The following OTOP1 variants were observed in gnomAD, a reference collection of about 807,000 sequenced individuals.
OTOP1 encodes the protein proton channel OTOP1.
Under a neutral mutation model 52.9 loss-of-function variants are expected in OTOP1, and 59 were observed. The observed-to-expected ratio is 1.12, with a 90% CI of 0.91 to 1.39. OTOP1 has a LOEUF of 1.39. Ranked by LOEUF, OTOP1 falls within the 40% of genes most tolerant of loss-of-function variation. The pLI is 0.00. For missense variants in OTOP1, 761 were observed against 800.9 expected (o/e 0.95, Z 0.60); for synonymous variants, 317 against 337.7 (o/e 0.94, Z 0.67).
chr4:4,204,605 T>A (rs978242254), intron 3 of OTOP1, among the ~76,000 whole-genome samples: 2 of 152,166 alleles, frequency 1.3e-5, no homozygotes, highest in Non-Finnish European at 2.9e-5. Context: ...AGACGTCATT[T>A]TCTCATGCCA....
intron 1 of OTOP1, among the ~76,000 whole-genome samples, chr4:4,214,733 G>A (rs1396282682): frequency 1.3e-5 from 2 of 152,222 alleles, no homozygotes; most frequent in East Asian, 1.9e-4. Flanking sequence ...TTCATTATAT[G>A]AGGTATCAAA....
intron 1 of OTOP1, among the ~76,000 whole-genome samples, chr4:4,217,261 G>T (rs1717174543): frequency 6.6e-6 from 1 of 152,148 alleles, no homozygotes; most frequent in Non-Finnish European, 1.5e-5. Context: ...ACAGACATAG[G>T]AGATTGCTGT....
At chr4:4,224,437 G>C (rs1717379801) in intron 1 of OTOP1, among the ~76,000 whole-genome samples, 2 of 151,440 alleles carry the variant, frequency 1.3e-5, no homozygotes, top group Non-Finnish European at 2.9e-5. Flanking sequence ...GGAGAAGGAG[G>C]GAAGGAAGAA....
intron 1 of OTOP1, among the ~76,000 whole-genome samples, chr4:4,221,330 G>A (rs1717297164): frequency 6.6e-6 from 1 of 152,068 alleles, no homozygotes; most frequent in Non-Finnish European, 1.5e-5. Context: ...GGCTGAGGTG[G>A]GAGGAGCTCT....
At chr4:4,216,869 A>G (rs1717164850) in intron 1 of OTOP1, among the ~76,000 whole-genome samples, 2 of 152,206 alleles carry the variant, frequency 1.3e-5, no homozygotes, top group Admixed American at 6.5e-5. Context: ...GATGGTCCAC[A>G]GCAGTGGTTC....
intron 1 of OTOP1, among the ~76,000 whole-genome samples, chr4:4,219,878 T>C (rs1717243583): frequency 6.9e-6 from 1 of 145,884 alleles, no homozygotes; most frequent in Non-Finnish European, 1.5e-5. Context: ...TACATATATG[T>C]ATATATACAC....
chr4:4,191,197 G>A (rs1036155138), intron 5 of OTOP1, among the ~76,000 whole-genome samples: 7 of 151,904 alleles, frequency 4.6e-5, no homozygotes, highest in African/African-American at 7.3e-5. Context: ...GTCCATCAGC[G>A]CATCTCCACT....
rs1717452018 is a variant in OTOP1 at position 4,226,811 on chromosome 4, C to T, written c.54G>A (p.Ser18=). Residue 18 remains serine, a synonymous_variant, in exon 1 of 6, where the codon TCG becomes TCA. Coordinates refer to ENST00000296358, the MANE Select transcript of OTOP1 (RefSeq NM_177998.3). ...PASPRAAASA[S]VAGSSGPAAC... ...CCGCTGGCCCCGACGACCCTGCGAC[C>T]GAGGCGCTTGCAGCTGCCCGGGGCG... The T allele has an allele frequency of 3.7e-6, 5 of 1,360,714 alleles. No homozygotes were observed. Among genetic ancestry groups the T allele is most frequent in the Non-Finnish European group, 4.7e-6 (5 of 1,061,932 alleles). The allele number at this position is 1,360,714 out of a possible 1,614,324, so 84.3% of individuals were successfully genotyped here.
chr4:4,222,083 G>T (rs1271603730), intron 1 of OTOP1, among the ~76,000 whole-genome samples: 1 of 152,068 alleles, frequency 6.6e-6, no homozygotes, highest in Non-Finnish European at 1.5e-5. Flanking sequence ...ACACGAATTG[G>T]CATTTACTAC....
rs1378472881 is a variant in OTOP1, at chr4:4,197,460, G to A, written c.1374C>T (p.Ile458=). 1.2e-6 allele frequency: 2 copies of A among 1,614,028 alleles called. No homozygotes were observed. The highest frequency in any genetic ancestry group is 1.6e-4 in the Middle Eastern group (1 of 6,062). ...AGACTGTGACCACCCGAAGGGTTTG[G>A]ATGTCCTCAGAGAGTTTTTCAGGCT... ...HREPEKLSED[I]QTLRVVTVCN... The change falls in exon 5 of 6, where the codon ATC becomes ATT. Residue 458 remains isoleucine (I), a synonymous_variant. Coordinates refer to ENST00000296358, the MANE Select transcript of OTOP1 (RefSeq NM_177998.3).
intron 4 of OTOP1, among the ~76,000 whole-genome samples, chr4:4,201,405 C>A (rs1169300973): frequency 1.3e-5 from 2 of 151,020 alleles, no homozygotes; most frequent in Non-Finnish European, 2.9e-5. Context: ...CCAGCTTAGG[C>A]AACAGAGTGA....
intron 5 of OTOP1, among the ~76,000 whole-genome samples, chr4:4,192,524 C>G (rs1716534967): frequency 6.6e-6 from 1 of 152,182 alleles, no homozygotes; most frequent in Non-Finnish European, 1.5e-5. Context: ...AAATATCTGC[C>G]TACTGGGTTC....
intron 5 of OTOP1, among the ~76,000 whole-genome samples, chr4:4,194,592 C>T (rs1387874802): frequency 6.6e-6 from 1 of 152,350 alleles, no homozygotes; most frequent in African/African-American, 2.4e-5. Flanking sequence ...CCCAACTTTG[C>T]GTTCTTAGGG....
At chr4:4,202,801 C>T (rs192722661) in intron 3 of OTOP1, among the ~76,000 whole-genome samples, 2 of 152,380 alleles carry the variant, frequency 1.3e-5, no homozygotes, top group Admixed American at 6.5e-5. Flanking sequence ...TAGTCTTGAA[C>T]TTGCCAGTAC....
chr4:4,194,792 C>G (rs1716585986), intron 5 of OTOP1, among the ~76,000 whole-genome samples: 2 of 152,228 alleles, frequency 1.3e-5, no homozygotes, highest in Admixed American at 6.5e-5. Flanking sequence ...CCACCAGTCA[C>G]CATCACTGCA....
In OTOP1 at chr4:4,188,785, G is replaced by T. The variant is rs1466497828; in HGVS notation, c.*18C>A. On this transcript the variant is annotated 3_prime_UTR_variant, in exon 6 of 6. Transcript: ENST00000296358. Reference sequence around the variant, plus strand: ...TGAACTCTTGTTAGCTCACTCCTAGGTCTCTTGTGGACCCAGACTATATCT... The same window carrying T: ...TGAACTCTTGTTAGCTCACTCCTAGTTCTCTTGTGGACCCAGACTATATCT... 6.2e-7 allele frequency: 1 copy of T among 1,600,770 alleles called. No homozygotes were observed. The highest frequency in any genetic ancestry group is 1.7e-5 in the Admixed American group (1 of 58,630).
chr4:4,195,906 G>A lies in OTOP1; in HGVS notation c.1668+1260C>T, dbSNP rs545282919. 2.6e-5 allele frequency among the ~76,000 whole-genome samples: 4 copies of A among 152,160 alleles called. No homozygotes were observed. The East Asian group carries it at 5.8e-4, about 22-fold the overall frequency. The stretch of plus-strand genomic sequence containing the variant: ...TCCCCCATTATACTGAGACCTTTTA[G>A]AGGAAAGAGACTGAGTCTTTCCACT... On this transcript the variant is annotated intron_variant, in intron 5 of 5. Transcript: ENST00000296358.
chr4:4,222,759 G>A lies in OTOP1; in HGVS notation c.403+3703C>T, dbSNP rs915597421. On this transcript the variant is annotated intron_variant, in intron 1 of 5. Coordinates refer to ENST00000296358, the MANE Select transcript of OTOP1 (RefSeq NM_177998.3). ...AGATTGTCACGAACACCAGGGCAGA[G>A]CTGAGTTCCTGAGTCAAACCTGTCT... is the stretch of plus-strand genomic sequence containing the variant. Among the ~76,000 whole-genome samples the A allele has an allele frequency of 8.1e-4, 123 of 152,206 alleles. 1 individual carries two copies. Among genetic ancestry groups the A allele is most frequent in the African/African-American group, 2.9e-3 (119 of 41,450 alleles).
At chr4:4,203,369 T>C (rs1002123837) in intron 3 of OTOP1, among the ~76,000 whole-genome samples, 7 of 152,286 alleles carry the variant, frequency 4.6e-5, no homozygotes, top group African/African-American at 1.7e-4. Context: ...ATGACATTGT[T>C]GAGCTGCGGG....
Sources: allele counts gnomAD v4.1 joint callset (sites outside exome capture counted in the v4.1 genomes callset), GRCh38; gene constraint gnomAD v4.1.1; transcripts MANE v1.5; gene names NCBI Gene and HGNC (gene_info 2026-07-23, HGNC 2026-07-21).